WDR37: variants seen among roughly 807,000 people sequenced by gnomAD.
The protein encoded by WDR37 is WD repeat domain 37.
A neutral mutation model predicts 62.9 loss-of-function variants in WDR37; 19 were observed. The ratio of observed to expected loss-of-function variants is 0.30; its 90% CI spans 0.21 to 0.44. WDR37 has a LOEUF of 0.44. Among genes scored for constraint, WDR37 ranks in the 20% least tolerant of loss-of-function variants. The pLI is 1.00. For missense variants in WDR37, 474 were observed against 657.6 expected, an observed-to-expected ratio of 0.72 and a Z score of 3.05; for synonymous variants, 250 against 260.9, an observed-to-expected ratio of 0.96 and a Z score of 0.40.
At position 1,080,463 on chromosome 10, in the gene WDR37, C is replaced by T; in HGVS notation, c.383C>T (p.Ala128Val). ...CAGAAACTGAAGACCACTTACAAGG[C>T]TTCCACCAGCAAGGTATGCAGGCCA... is the stretch of plus-strand genomic sequence containing the variant. ...LSQKLKTTYK[A>V]STSKIVSSFK... Residue 128 changes from alanine (A) to valine (V), a missense_variant, in exon 5 of 14, where the codon GCT (alanine) becomes GTT (valine). Ala to Val is a moderately conservative substitution (Grantham distance 64). Coordinates refer to ENST00000263150, the MANE Select transcript of WDR37 (RefSeq NM_014023.4). The T allele has an allele frequency of 6.2e-7, 1 of 1,614,196 alleles. No individual in the cohort carries two copies. The highest frequency in any genetic ancestry group is 8.5e-7 in the Non-Finnish European group (1 of 1,180,032).
At chr10:1,061,583 T>C (rs993191903) in intron 1 of WDR37, among the ~76,000 whole-genome samples, 1 of 152,188 alleles carries the variant, frequency 6.6e-6, no homozygotes, top group Admixed American at 6.5e-5. Context: ...CTCAGGCCAG[T>C]AATCCCAGCA....
chr10:1,117,849 C>T (rs1233474125), intron 11 of WDR37, among the ~76,000 whole-genome samples: 2 of 152,258 alleles, frequency 1.3e-5, no homozygotes, highest in Non-Finnish European at 2.9e-5. Context: ...TTATCAGCAT[C>T]TGCGCTGCGT....
intron 6 of WDR37, 31 bp downstream of exon 6, chr10:1,084,569 G>A (rs201134296): frequency 1.1e-5 from 18 of 1,603,888 alleles, no homozygotes; most frequent in African/African-American, 4.0e-5. Context: ...GCCAGCCTGC[G>A]GAAGCATGGC....
chr10:1,131,685 T>G lies in WDR37; in HGVS notation c.*2341T>G, dbSNP rs1835949985. The G allele has an allele frequency of 1.5e-5, 1 of 68,624 alleles. No homozygotes were observed. Among genetic ancestry groups the G allele is most frequent in the African/African-American group, 4.0e-5 (1 of 25,256 alleles). 4.3% of individuals were successfully genotyped at this position (68,624 alleles called of 1,614,324 possible). A position where few individuals can be genotyped will look rare whatever the true frequency, so the allele number is the denominator to read the frequency against. ...GAGTCACAGACAAGATCGGGGATGG[T>G]GTGTGTGTGTGTGTGTGTGTGTGTG... is the stretch of plus-strand genomic sequence containing the variant. On this transcript the variant is annotated 3_prime_UTR_variant, in exon 14 of 14. Transcript: ENST00000263150.
At chr10:1,090,919 C>T (rs1834363895) in intron 7 of WDR37, among the ~76,000 whole-genome samples, 2 of 152,136 alleles carry the variant, frequency 1.3e-5, no homozygotes, top group Non-Finnish European at 2.9e-5. Flanking sequence ...TCATGGCTCA[C>T]GTGCTGCCCC....
intron 2 of WDR37, among the ~76,000 whole-genome samples, chr10:1,074,118 T>C (rs755063300): frequency 1.3e-5 from 2 of 152,226 alleles, no homozygotes; most frequent in Non-Finnish European, 2.9e-5. Flanking sequence ...TTTAATTACA[T>C]TGAAATTTAC....
At chr10:1,069,447 A>G (rs1833665704) in intron 1 of WDR37, among the ~76,000 whole-genome samples, 1 of 142,740 alleles carries the variant, frequency 7.0e-6, no homozygotes, top group Non-Finnish European at 1.5e-5. Flanking sequence ...AAATGTCCAT[A>G]CTGTGGACAC....
At position 1,129,709 on chromosome 10, in the gene WDR37, G is replaced by C. The variant is rs1456845198; in HGVS notation, c.*365G>C. 1 of 183,320 alleles carries C rather than the reference G, an allele frequency of 5.5e-6. No homozygotes were observed. Among genetic ancestry groups the C allele is most frequent in the African/African-American group, 2.4e-5 (1 of 42,282 alleles). 11.4% of individuals were successfully genotyped at this position (183,320 alleles called of 1,614,324 possible). ...ATTACGTTGCGGCGTCGGCAGTCCT[G>C]CGTTCCCTGGAGTAACTGTACGTAT... On this transcript the variant is annotated 3_prime_UTR_variant, in exon 14 of 14. Transcript: ENST00000263150.
In WDR37 at chr10:1,056,687, G is replaced by C. The variant is rs1263846261; in HGVS notation, c.-322G>C. 1 of 152,318 alleles carries C rather than the reference G, an allele frequency of 6.6e-6. No homozygotes were observed. Among genetic ancestry groups the C allele is most frequent in the Non-Finnish European group, 1.5e-5 (1 of 68,100 alleles). The allele number at this position is 152,318 out of a possible 1,614,324, so 9.4% of individuals were successfully genotyped here. A position where few individuals can be genotyped will look rare whatever the true frequency, so the allele number is the denominator to read the frequency against. ...TCTTCAGCGCGCCCAGACCCCTCGG[G>C]GCTGCGGGGCGGAAGCCGGGGCGTG... On this transcript the variant is annotated 5_prime_UTR_variant, in exon 1 of 14. Coordinates refer to ENST00000263150, the MANE Select transcript of WDR37 (RefSeq NM_014023.4).
At chr10:1,097,587 C>T (rs911343648) in intron 9 of WDR37, among the ~76,000 whole-genome samples, 2 of 152,186 alleles carry the variant, frequency 1.3e-5, no homozygotes, top group Non-Finnish European at 2.9e-5. Flanking sequence ...GTGGGAGCCT[C>T]CTTGGTTTCA....
At chr10:1,066,777 G>C (rs1833567138) in intron 1 of WDR37, among the ~76,000 whole-genome samples, 1 of 152,208 alleles carries the variant, frequency 6.6e-6, no homozygotes, top group African/African-American at 2.4e-5. Flanking sequence ...AATTTACAAA[G>C]GAAAGAGGTT....
At chr10:1,085,799 T>A (rs964446892) in intron 6 of WDR37, among the ~76,000 whole-genome samples, 2 of 152,238 alleles carry the variant, frequency 1.3e-5, no homozygotes, top group African/African-American at 4.8e-5. Context: ...TTTGGCTAAT[T>A]GGTGCTTATT....
At chr10:1,097,860 T>C (rs1834642383) in intron 9 of WDR37, among the ~76,000 whole-genome samples, 1 of 152,178 alleles carries the variant, frequency 6.6e-6, no homozygotes, top group Non-Finnish European at 1.5e-5. Flanking sequence ...TTTGGGAACA[T>C]GTAACTTGTT....
intron 11 of WDR37, among the ~76,000 whole-genome samples, chr10:1,112,239 T>A (rs767205536): frequency 6.6e-6 from 1 of 152,182 alleles, no homozygotes; most frequent in Non-Finnish European, 1.5e-5. Flanking sequence ...TACTTTTTCA[T>A]TGTGATTATA....
In WDR37 at chr10:1,105,911, G is replaced by A. The variant is rs960964885; in HGVS notation, c.1103+644G>A. ...CGCCATTCTCCTGCCTCAGCCTCCC[G>A]AGTAGCTGGGACTAGAGGCACCTGC... On this transcript the variant is annotated intron_variant, in intron 11 of 13. Coordinates refer to ENST00000263150, the MANE Select transcript of WDR37 (RefSeq NM_014023.4). This position sits in a 1 kb window ranked among gnomAD's most constrained non-coding sequence, Gnocchi z 5.3. Among the ~76,000 whole-genome samples, 2 of 151,874 alleles carry A rather than the reference G, an allele frequency of 1.3e-5. No individual in the cohort carries two copies. Among genetic ancestry groups the A allele is most frequent in the Non-Finnish European group, 1.5e-5 (1 of 67,946 alleles).
chr10:1,124,050 T>C, intron 11 of WDR37, 168 bp from the exon 12 acceptor site: 1 of 751,392 alleles, frequency 1.3e-6, no homozygotes, highest in South Asian at 1.9e-5. Context: ...GTCCTTTTCT[T>C]GCACTGGTGG....
chr10:1,097,273 G>T (rs915712542), intron 9 of WDR37, among the ~76,000 whole-genome samples: 2 of 152,220 alleles, frequency 1.3e-5, no homozygotes, highest in South Asian at 2.1e-4. Context: ...AGTTGACAGG[G>T]AGGCGAGTGT....
chr10:1,093,558 T>TGG, intron 8 of WDR37, 62 bp downstream of exon 8: 1 of 1,332,706 alleles, frequency 7.5e-7, no homozygotes, highest in Non-Finnish European at 1.1e-6. Context: ...ACTATAAATA[T>TGG]TCCTTTCTTA....
intron 13 of WDR37, among the ~76,000 whole-genome samples, chr10:1,127,537 G>C (rs1835830598): frequency 6.6e-6 from 1 of 152,230 alleles, no homozygotes; most frequent in African/African-American, 2.4e-5. Context: ...GAGCCTTTAA[G>C]TAGTGGAGTG....
Sources: allele counts gnomAD v4.1 joint callset (sites outside exome capture counted in the v4.1 genomes callset), GRCh38; gene constraint gnomAD v4.1.1; non-coding constraint Gnocchi (gnomAD v3.1); transcripts MANE v1.5; gene names NCBI Gene and HGNC (gene_info 2026-07-23, HGNC 2026-07-21).